NOC3L: variants seen among roughly 807,000 people sequenced by gnomAD.
NOC3L encodes NOC3 like DNA replication regulator, also known as nucleolar complex protein 3 homolog.
Under a neutral mutation model 102.5 loss-of-function variants are expected in NOC3L, and 85 were observed. That is an observed-to-expected ratio of 0.83 (90% CI 0.70 to 0.99). The LOEUF (loss-of-function observed/expected upper bound fraction) is 0.99. NOC3L is among the 50% of genes least tolerant of loss of function. The pLI is 0.00. For synonymous variants in NOC3L, 303 were observed against 309.4 expected, an observed-to-expected ratio of 0.98 and a Z score of 0.22; for missense variants, 878 against 914.9, an observed-to-expected ratio of 0.96 and a Z score of 0.52.
chr10:94,315,677 G>A, the NOC3L span, among the ~76,000 whole-genome samples: 3 of 150,514 alleles, frequency 2.0e-5, no homozygotes, highest in African/African-American at 7.3e-5. Context: ...GCTGAGGCAT[G>A]AGAATCACTT....
At position 94,350,269 on chromosome 10, in the gene NOC3L, CA is replaced by C. The variant is rs564137729; in HGVS notation, c.971del (p.Leu324ArgfsTer6). 1.8e-3 allele frequency: 2,930 copies of C among 1,614,106 alleles called. No individual in the cohort carries two copies. The highest frequency in any genetic ancestry group is 2.3e-3 in the Non-Finnish European group (2,695 of 1,179,976). ...QMVKDWKQRK[L>X]KKSNVVSLKA... ...TTAAGGAAACTACATTACTTTTCTT[CA>C]GCTTCCTCTGCTTCCAATCTAATCA... is the stretch of plus-strand genomic sequence containing the variant. On this transcript the variant is annotated frameshift_variant, in exon 9 of 21. Transcript: ENST00000371361. LOFTEE classifies it high-confidence loss of function.
At chr10:94,337,688 A>C in intron 19 of NOC3L, 89 bp downstream of exon 19, 2 of 793,330 alleles carry the variant, frequency 2.5e-6, no homozygotes, top group Non-Finnish European at 4.1e-6. Flanking sequence ...TACATTTTGT[A>C]GTATGTTACT....
At chr10:94,359,971 C>A (rs1374971635) in intron 2 of NOC3L, among the ~76,000 whole-genome samples, 3 of 152,174 alleles carry the variant, frequency 2.0e-5, no homozygotes, top group Admixed American at 2.0e-4. Flanking sequence ...GCACTATCCA[C>A]AAGAGCCAAG....
At chr10:94,350,683 A>C (rs1221066026) in intron 8 of NOC3L, among the ~76,000 whole-genome samples, 1 of 149,288 alleles carries the variant, frequency 6.7e-6, no homozygotes, top group Non-Finnish European at 1.5e-5. Flanking sequence ...GCACCACTGC[A>C]TTCCAGCCTG....
chr10:94,338,808 G>A (rs1302000678), intron 17 of NOC3L, 72 bp from the exon 18 acceptor site: 5 of 1,315,148 alleles, frequency 3.8e-6, no homozygotes, highest in Non-Finnish European at 5.2e-6. Context: ...CTGGTTTGTA[G>A]TTGTATTTGC....
the NOC3L span, among the ~76,000 whole-genome samples, chr10:94,318,366 T>A: frequency 2.6e-5 from 4 of 152,240 alleles, no homozygotes; most frequent in Non-Finnish European, 5.9e-5. Flanking sequence ...GTAAAAAGTA[T>A]GTATCCTCTA....
chr10:94,319,864 C>CTTTTTTTTTTTTTTTTTTTTT, the NOC3L span, among the ~76,000 whole-genome samples: 17 of 92,934 alleles, frequency 1.8e-4, 3 homozygotes, highest in Non-Finnish European at 2.2e-4. Flanking sequence ...CAAAGGTGCT[C>CTTTTTTTTTTTTTTTTTTTTT]TTTTTTTTTT....
At chr10:94,351,734 C>T (rs2054421274) in intron 8 of NOC3L, among the ~76,000 whole-genome samples, 1 of 151,372 alleles carries the variant, frequency 6.6e-6, no homozygotes, top group Non-Finnish European at 1.5e-5. Context: ...CACTACATTC[C>T]CCAGGCTGGT....
chr10:94,326,030 T>C, the NOC3L span, among the ~76,000 whole-genome samples: 2 of 152,180 alleles, frequency 1.3e-5, no homozygotes, highest in African/African-American at 4.8e-5. Context: ...AGCAAATTAT[T>C]TACATGAGAC....
intron 9 of NOC3L, 101 bp from the exon 10 acceptor site, chr10:94,349,479 T>C (rs2054389141): frequency 2.0e-6 from 2 of 1,018,234 alleles, no homozygotes; most frequent in Admixed American, 3.6e-5. Context: ...TGTCCTAGGA[T>C]GTTTAAAAGC....
chr10:94,353,108 T>C (rs777947802), intron 6 of NOC3L, 51 bp from the exon 7 acceptor site: 1 of 1,479,364 alleles, frequency 6.8e-7, no homozygotes, highest in Admixed American at 2.0e-5. Flanking sequence ...GAAACAATTA[T>C]GAACAAAAGA....
At chr10:94,318,453 T>G in the NOC3L span, among the ~76,000 whole-genome samples, 1 of 152,198 alleles carries the variant, frequency 6.6e-6, no homozygotes, top group Non-Finnish European at 1.5e-5. Flanking sequence ...CCTCAAACAC[T>G]ATGTTGAATG....
chr10:94,333,836 T>C lies in NOC3L; in HGVS notation c.*341A>G, dbSNP rs966518311. The C allele has an allele frequency of 6.1e-6, 1 of 164,394 alleles. No homozygotes were observed. The highest frequency in any genetic ancestry group is 2.4e-5 in the African/African-American group (1 of 42,042). The allele number at this position is 164,394 out of a possible 1,614,324, so 10.2% of individuals were successfully genotyped here. A position where few individuals can be genotyped will look rare whatever the true frequency, so the allele number is the denominator to read the frequency against. On this transcript the variant is annotated 3_prime_UTR_variant, in exon 21 of 21. Transcript: ENST00000371361. ...ATGGTCTTGATTTTTCTGTGCTCTA[T>C]GCCCTAATTTTAATATAGCAACTGC...
intron 19 of NOC3L, among the ~76,000 whole-genome samples, chr10:94,336,227 C>G (rs2054216071): frequency 6.6e-6 from 1 of 152,164 alleles, no homozygotes; most frequent in African/African-American, 2.4e-5. Context: ...GGGTTCCTCC[C>G]CTCCAGAAGA....
At chr10:94,320,542 G>C in the NOC3L span, among the ~76,000 whole-genome samples, 1 of 152,200 alleles carries the variant, frequency 6.6e-6, no homozygotes, top group African/African-American at 2.4e-5. Context: ...GATAGCGACA[G>C]CAACTCATGG....
Position 94,350,232 on chromosome 10 carries a change from C to T in NOC3L, c.1009G>A (p.Gly337Arg). ...SNVVSLKAYK[G>R]LAEVAVKSLC... ...CTCTTCACAGCGACTTCTGCCAGTC[C>T]TTTGTATGCCTTTAAGGAAACTACA... Residue 337 changes from glycine (G) to arginine (R), a missense_variant, in exon 9 of 21, where the codon GGA becomes AGA. By Grantham distance (125) the Gly-to-Arg change is moderately radical (BLOSUM62 -2). Transcript: ENST00000371361. 3.7e-6 allele frequency: 6 copies of T among 1,614,196 alleles called. No individual in the cohort carries two copies. The highest frequency in any genetic ancestry group is 5.1e-6 in the Non-Finnish European group (6 of 1,180,012).
At chr10:94,346,730 G>A (rs1045776280) in intron 10 of NOC3L, among the ~76,000 whole-genome samples, 174 bp from the exon 11 acceptor site, 1 of 152,100 alleles carries the variant, frequency 6.6e-6, no homozygotes, top group Admixed American at 6.6e-5. Context: ...TTAATAACTT[G>A]TGTCTATGGA....
the NOC3L span, chr10:94,328,077 CAT>C: frequency 9.1e-5 from 43 of 471,426 alleles, no homozygotes; most frequent in Non-Finnish European, 8.8e-6. Flanking sequence ...AGCCTTCACA[CAT>C]GTGAGATCCA....
At position 94,361,879 on chromosome 10, in the gene NOC3L, A is replaced by T; in HGVS notation, c.10-7T>A. On this transcript the variant is annotated splice_polypyrimidine_tract_variant and splice_region_variant and intron_variant, in intron 1 of 20. Coordinates refer to ENST00000371361, the MANE Select transcript of NOC3L (RefSeq NM_022451.11). ...TCTGTTTTTTATTTCTTCTCTAGAA[A>T]ATAACAGAAAGAATACTGCATACCC... 1.9e-6 allele frequency: 3 copies of T among 1,588,188 alleles called. No homozygotes were observed. Among genetic ancestry groups the T allele is most frequent in the South Asian group, 2.2e-5 (2 of 89,974 alleles).
Sources: allele counts gnomAD v4.1 joint callset (sites outside exome capture counted in the v4.1 genomes callset), GRCh38; gene constraint gnomAD v4.1.1; transcripts MANE v1.5; gene names NCBI Gene and HGNC (gene_info 2026-07-23, HGNC 2026-07-21).